The following KLF6 variants were observed in gnomAD, a reference collection of about 807,000 sequenced individuals.
KLF6 encodes Krueppel-like factor 6.
For synonymous variants in KLF6, 152 were observed against 147.9 expected (o/e 1.03, Z -0.20); for missense variants, 233 against 359.8 (o/e 0.65, Z 2.85).
Position 3,779,472 on chromosome 10 carries a change from C to T in KLF6, c.*67G>A. ...GGCATGCTTTGGCTGGAACACGCAT[C>T]CCTCCTTCCACGGCCGGCTCTCAGC... is the stretch of plus-strand genomic sequence containing the variant. On this transcript the variant is annotated 3_prime_UTR_variant, in exon 4 of 4. Coordinates refer to ENST00000497571, the MANE Select transcript of KLF6 (RefSeq NM_001300.6). 1 of 1,347,962 alleles carries T rather than the reference C, an allele frequency of 7.4e-7. No individual in the cohort carries two copies. Among genetic ancestry groups the T allele is most frequent in the Non-Finnish European group, 1.1e-6 (1 of 937,810 alleles). The allele number at this position is 1,347,962 out of a possible 1,614,324, so 83.5% of individuals were successfully genotyped here. A position where few individuals can be genotyped will look rare whatever the true frequency, so the allele number is the denominator to read the frequency against.
Position 3,780,232 on chromosome 10 carries a change from G to A in KLF6, c.677-3C>T. 6.2e-7 allele frequency: 1 copy of A among 1,613,740 alleles called. No homozygotes were observed. Among genetic ancestry groups the A allele is most frequent in the Non-Finnish European group, 8.5e-7 (1 of 1,180,016 alleles). On this transcript the variant is annotated splice_region_variant and splice_polypyrimidine_tract_variant and intron_variant, in intron 2 of 3. Coordinates refer to ENST00000497571, the MANE Select transcript of KLF6 (RefSeq NM_001300.6). This position sits in a 1 kb window ranked among gnomAD's most constrained non-coding sequence, Gnocchi z 4.6. Reference sequence around the variant, plus strand: ...TGAGCATCTGTAAGGCTTTTCTCCTGGGGAGAGAGCACAGGACAAGCAGCC... The same window carrying A: ...TGAGCATCTGTAAGGCTTTTCTCCTAGGGAGAGAGCACAGGACAAGCAGCC...
In KLF6 at chr10:3,782,032, A is replaced by G. The variant is rs1188489661; in HGVS notation, c.285T>C (p.Phe95=). 1.2e-6 allele frequency: 2 copies of G among 1,614,098 alleles called. No individual in the cohort carries two copies. The highest frequency in any genetic ancestry group is 1.1e-5 in the South Asian group (1 of 91,094). The change falls in exon 2 of 4, where the codon TTT becomes TTC. Residue 95 remains phenylalanine, a synonymous_variant. Coordinates refer to ENST00000497571, the MANE Select transcript of KLF6 (RefSeq NM_001300.6). The surrounding 1 kb of genome is among the most constrained non-coding windows in gnomAD (Gnocchi z 4.3). ...PPEDTLISPS[F]CYNLETNSLN... ...GGCTGTTGGTCTCTAAGTTGTAACAAAAGCTCGGGCTGATGAGAGTGTCCT... is the reference window on the plus strand; with the variant it reads ...GGCTGTTGGTCTCTAAGTTGTAACAGAAGCTCGGGCTGATGAGAGTGTCCT...
chr10:3,776,930 T>TC lies in KLF6; in HGVS notation c.*2608dup, dbSNP rs1346661929. The TC allele has an allele frequency of 2.0e-6, 1 of 499,248 alleles. No individual in the cohort carries two copies. Among genetic ancestry groups the TC allele is most frequent in the Non-Finnish European group, 3.8e-6 (1 of 261,498 alleles). The allele number at this position is 499,248 out of a possible 1,614,324, so 30.9% of individuals were successfully genotyped here. A position where few individuals can be genotyped will look rare whatever the true frequency, so the allele number is the denominator to read the frequency against. Reference sequence around the variant, plus strand: ...ACAAGCCAGTGCAAGTTTTTTTTTTTCCTTTTTTTTTTTTTGTCTTTTGCT... The same window carrying TC: ...ACAAGCCAGTGCAAGTTTTTTTTTTTCCCTTTTTTTTTTTTTGTCTTTTGCT... On this transcript the variant is annotated 3_prime_UTR_variant, in exon 4 of 4. Coordinates refer to ENST00000497571, the MANE Select transcript of KLF6 (RefSeq NM_001300.6).
intron 1 of KLF6, among the ~76,000 whole-genome samples, chr10:3,783,900 A>T (rs1276377059): frequency 6.6e-6 from 1 of 152,068 alleles, no homozygotes; most frequent in South Asian, 2.1e-4. Flanking sequence ...CGTCCTAGGG[A>T]GCAGCTTCTT....
intron 1 of KLF6, among the ~76,000 whole-genome samples, chr10:3,784,370 C>A (rs536068743): frequency 2.0e-5 from 3 of 151,950 alleles, no homozygotes; most frequent in African/African-American, 7.2e-5. Context: ...TCTTGGTCAA[C>A]AAGAGAAGCA....
rs12778047 is a variant in KLF6, at chr10:3,776,115, G to A, written c.*3424C>T. On this transcript the variant is annotated 3_prime_UTR_variant, in exon 4 of 4. Transcript: ENST00000497571. ...CTCCACCCCTCCCAGACATGCCTCAGCCAGGTGTGTGGCAGGGCTGGCTGG... is the reference window on the plus strand; with the variant it reads ...CTCCACCCCTCCCAGACATGCCTCAACCAGGTGTGTGGCAGGGCTGGCTGG... 14 of 530,020 alleles carry A rather than the reference G, an allele frequency of 2.6e-5. No homozygotes were observed. The highest frequency in any genetic ancestry group is 1.6e-4 in the East Asian group (4 of 25,348). The allele number at this position is 530,020 out of a possible 1,614,324, so 32.8% of individuals were successfully genotyped here. A position where few individuals can be genotyped will look rare whatever the true frequency, so the allele number is the denominator to read the frequency against.
intron 1 of KLF6, among the ~76,000 whole-genome samples, chr10:3,784,499 T>G (rs1032192698): frequency 1.3e-5 from 2 of 151,864 alleles, no homozygotes; most frequent in African/African-American, 4.8e-5. Flanking sequence ...GTCTACGTTC[T>G]GGGGGCAAAA....
rs746287446 is a variant in KLF6 at position 3,781,605 on chromosome 10, C to T, written c.676+36G>A. On this transcript the variant is annotated intron_variant, in intron 2 of 3. Coordinates refer to ENST00000497571, the MANE Select transcript of KLF6 (RefSeq NM_001300.6). The surrounding 1 kb of genome is among the most constrained non-coding windows in gnomAD (Gnocchi z 5.8). ...GCTGGTGCAATGCAGTGGCGCCCACCAGCGGCCGCCCTCCGGGGCCCGCGT... is the reference window on the plus strand; with the variant it reads ...GCTGGTGCAATGCAGTGGCGCCCACTAGCGGCCGCCCTCCGGGGCCCGCGT... 6.2e-7 allele frequency: 1 copy of T among 1,606,658 alleles called. No individual in the cohort carries two copies. Among genetic ancestry groups the T allele is most frequent in the Non-Finnish European group, 8.5e-7 (1 of 1,176,676 alleles).
chr10:3,780,479 C>T lies in KLF6; in HGVS notation c.677-250G>A, dbSNP rs938208277. On this transcript the variant is annotated intron_variant, in intron 2 of 3. Transcript: ENST00000497571. The surrounding 1 kb of genome is among the most constrained non-coding windows in gnomAD (Gnocchi z 4.6). ...CCCATGGTGCTGTCATCAAAGTTAA[C>T]GTGGAAGAACGACCACGACTCAGAC... is the stretch of plus-strand genomic sequence containing the variant. 30 of 549,490 alleles carry T rather than the reference C, an allele frequency of 5.5e-5. No homozygotes were observed. Among genetic ancestry groups the T allele is most frequent in the South Asian group, 4.3e-4 (22 of 51,598 alleles). The allele number at this position is 549,490 out of a possible 1,614,324, so 34.0% of individuals were successfully genotyped here.
chr10:3,780,097 G>A lies in KLF6; in HGVS notation c.800+9C>T, dbSNP rs1159725359. 2 of 1,614,010 alleles carry A rather than the reference G, an allele frequency of 1.2e-6. No individual in the cohort carries two copies. Among genetic ancestry groups the A allele is most frequent in the Non-Finnish European group, 8.5e-7 (1 of 1,180,046 alleles). ...CGCTCCTTGCCCAGCATTGTCCTCA[G>A]GCACGTACCTGTCACAGTGGGAGCA... On this transcript the variant is annotated intron_variant, in intron 3 of 3. Coordinates refer to ENST00000497571, the MANE Select transcript of KLF6 (RefSeq NM_001300.6). The surrounding 1 kb of genome is among the most constrained non-coding windows in gnomAD (Gnocchi z 4.6).
In KLF6 at chr10:3,780,072, C is replaced by T. The variant is rs367807577; in HGVS notation, c.800+34G>A. On this transcript the variant is annotated intron_variant, in intron 3 of 3. Coordinates refer to ENST00000497571, the MANE Select transcript of KLF6 (RefSeq NM_001300.6). This position sits in a 1 kb window ranked among gnomAD's most constrained non-coding sequence, Gnocchi z 4.6. ...TGGTCATCACATTCCCAAGGCCCCACGCTCCTTGCCCAGCATTGTCCTCAG... is the reference window on the plus strand; with the variant it reads ...TGGTCATCACATTCCCAAGGCCCCATGCTCCTTGCCCAGCATTGTCCTCAG... 5.2e-5 allele frequency: 84 copies of T among 1,613,602 alleles called. No homozygotes were observed. In the Middle Eastern group the frequency reaches 8.3e-4, roughly 16 times the overall value.
chr10:3,782,318 G>T lies in KLF6; in HGVS notation c.103-104C>A, dbSNP rs1832548274. On this transcript the variant is annotated intron_variant, in intron 1 of 3. Transcript: ENST00000497571. This position sits in a 1 kb window ranked among gnomAD's most constrained non-coding sequence, Gnocchi z 4.3. ...GCAAGAATGAAGGACAGATAACATT[G>T]CTGCCCGGTCACTACAGGGGCAAAA... The T allele has an allele frequency of 3.2e-6, 3 of 931,708 alleles. No individual in the cohort carries two copies. The highest frequency in any genetic ancestry group is 1.6e-5 in the African/African-American group (1 of 62,146). The allele number at this position is 931,708 out of a possible 1,614,324, so 57.7% of individuals were successfully genotyped here.
Position 3,776,140 on chromosome 10 carries a change from G to A in KLF6, c.*3399C>T, listed in dbSNP as rs1474144929. The A allele has an allele frequency of 3.8e-6, 2 of 530,288 alleles. No homozygotes were observed. The highest frequency in any genetic ancestry group is 7.3e-6 in the Non-Finnish European group (2 of 273,702). The allele number at this position is 530,288 out of a possible 1,614,324, so 32.8% of individuals were successfully genotyped here. A position where few individuals can be genotyped will look rare whatever the true frequency, so the allele number is the denominator to read the frequency against. On this transcript the variant is annotated 3_prime_UTR_variant, in exon 4 of 4. Coordinates refer to ENST00000497571, the MANE Select transcript of KLF6 (RefSeq NM_001300.6). ...GCCAGGTGTGTGGCAGGGCTGGCTG[G>A]GGAAGGTAGGCCCAGCTCTAGCTGC... is the stretch of plus-strand genomic sequence containing the variant.
At position 3,782,040 on chromosome 10, in the gene KLF6, G is replaced by T; in HGVS notation, c.277C>A (p.Pro93Thr). The T allele has an allele frequency of 6.2e-7, 1 of 1,614,168 alleles. No homozygotes were observed. Among genetic ancestry groups the T allele is most frequent in the African/African-American group, 1.3e-5 (1 of 75,026 alleles). The change falls in exon 2 of 4, where the codon CCG becomes ACG. Residue 93 changes from proline (P) to threonine (T), a missense_variant. Transcript: ENST00000497571. The surrounding 1 kb of genome is among the most constrained non-coding windows in gnomAD (Gnocchi z 4.3). Reference protein sequence around the residue: ...SSPPEDTLISPSFCYNLETNS... With the variant: ...SSPPEDTLISTSFCYNLETNS... ...GTCTCTAAGTTGTAACAAAAGCTCG[G>T]GCTGATGAGAGTGTCCTCTGGAGGA... is the stretch of plus-strand genomic sequence containing the variant.
At position 3,782,064 on chromosome 10, in the gene KLF6, G is replaced by T; in HGVS notation, c.253C>A (p.Pro85Thr). The T allele has an allele frequency of 1.2e-6, 2 of 1,614,206 alleles. No individual in the cohort carries two copies. ...EESELKISSS[P>T]PEDTLISPSF... ...GGGCTGATGAGAGTGTCCTCTGGAG[G>T]ACTGGAAGATATCTTCAGTTCGGAT... The change falls in exon 2 of 4, where the codon CCT becomes ACT. Residue 85 changes from proline (P) to threonine (T), a missense_variant. Pro to Thr is a conservative substitution (Grantham distance 38). Transcript: ENST00000497571. This position sits in a 1 kb window ranked among gnomAD's most constrained non-coding sequence, Gnocchi z 4.3.
intron 3 of KLF6, 132 bp from the exon 4 acceptor site, chr10:3,779,722 G>A (rs1832479683): frequency 3.7e-6 from 3 of 809,390 alleles, no homozygotes; most frequent in Middle Eastern, 2.2e-4. Context: ...CTCCTCCCAA[G>A]CCTCATCAGT....
rs1214193534 is a variant in KLF6 at position 3,780,213 on chromosome 10, T to C, written c.693A>G (p.Arg231=). The change falls in exon 3 of 4, where the codon AGA becomes AGG. Residue 231 remains arginine (R), a synonymous_variant. Coordinates refer to ENST00000497571, the MANE Select transcript of KLF6 (RefSeq NM_001300.6). The surrounding 1 kb of genome is among the most constrained non-coding windows in gnomAD (Gnocchi z 4.6). The stretch of plus-strand genomic sequence containing the variant: ...GCCACTCACACCCTTCCCATGAGCA[T>C]CTGTAAGGCTTTTCTCCTGGGGAGA... ...QRTHTGEKPY[R]CSWEGCEWRF... is the part of the protein sequence containing the mutation. The C allele has an allele frequency of 6.2e-7, 1 of 1,614,116 alleles. No homozygotes were observed. Among genetic ancestry groups the C allele is most frequent in the Admixed American group, 1.7e-5 (1 of 60,026 alleles).
rs1832427484 is a variant in KLF6, at chr10:3,777,820, G to C, written c.*1719C>G. On this transcript the variant is annotated 3_prime_UTR_variant, in exon 4 of 4. Transcript: ENST00000497571. ...ACAAATATACATACACAAGAATTCTGCCCACTTTTTTAAAAAAGTAGTATA... is the reference window on the plus strand; with the variant it reads ...ACAAATATACATACACAAGAATTCTCCCCACTTTTTTAAAAAAGTAGTATA... The C allele has an allele frequency of 2.1e-6, 1 of 478,516 alleles. No homozygotes were observed. Among genetic ancestry groups the C allele is most frequent in the Non-Finnish European group, 4.1e-6 (1 of 242,516 alleles). 29.6% of individuals were successfully genotyped at this position (478,516 alleles called of 1,614,324 possible).
At position 3,782,050 on chromosome 10, in the gene KLF6, A is replaced by T. The variant is rs1564296202; in HGVS notation, c.267T>A (p.Thr89=). Residue 89 remains threonine (T), a synonymous_variant, in exon 2 of 4, where the codon ACT becomes ACA. Transcript: ENST00000497571. This position sits in a 1 kb window ranked among gnomAD's most constrained non-coding sequence, Gnocchi z 4.3. ...LKISSSPPED[T]LISPSFCYNL... The stretch of plus-strand genomic sequence containing the variant: ...TGTAACAAAAGCTCGGGCTGATGAG[A>T]GTGTCCTCTGGAGGACTGGAAGATA... The T allele has an allele frequency of 1.9e-6, 3 of 1,614,064 alleles. No individual in the cohort carries two copies.
Sources: gnomAD v4.1 joint callset for allele counts (sites outside exome capture counted in the v4.1 genomes callset) on GRCh38, gnomAD v4.1.1 for gene constraint, Gnocchi (gnomAD v3.1) non-coding constraint, MANE v1.5 for transcripts, NCBI Gene and HGNC (gene_info 2026-07-23, HGNC 2026-07-21) for gene names.